The following DNAJC18 variants were observed in gnomAD, a reference collection of about 807,000 sequenced individuals.
DNAJC18 encodes the protein DnaJ heat shock protein family (Hsp40) member C18.
A neutral mutation model predicts 48.6 loss-of-function variants in DNAJC18; 40 were observed. The observed-to-expected ratio is 0.82, with a 90% confidence interval of 0.64 to 1.07. DNAJC18 has a LOEUF of 1.07. Ranked by LOEUF, DNAJC18 falls within the 50% of genes least tolerant of loss-of-function variation. The pLI, the probability that DNAJC18 is intolerant of heterozygous loss-of-function variation, is 0.00. For synonymous variants in DNAJC18, 135 were observed against 152.2 expected (o/e 0.89, Z 0.83); for missense variants, 340 against 427.7 (o/e 0.79, Z 1.81).
intron 2 of DNAJC18, among the ~76,000 whole-genome samples, chr5:139,432,454 C>T (rs1308687192): frequency 2.0e-5 from 3 of 151,998 alleles, no homozygotes; most frequent in African/African-American, 2.4e-5. Flanking sequence ...TGAGCCACCG[C>T]GCCTGGCCAC....
chr5:139,422,166 G>A (rs1407824115), intron 6 of DNAJC18, among the ~76,000 whole-genome samples: 2 of 152,050 alleles, frequency 1.3e-5, no homozygotes, highest in Non-Finnish European at 2.9e-5. Flanking sequence ...TGGCTGGTCT[G>A]GGGACCAAAC....
Position 139,428,628 on chromosome 5 carries a change from C to CA in DNAJC18, c.282dup (p.Asp95Ter). The stretch of plus-strand genomic sequence containing the variant: ...CTGTAAGCTTTCTTAAGCTCTTCGT[C>CA]ACTAGCATCTCGAGAAACTCCCAGA... On this transcript the variant is annotated frameshift_variant, in exon 3 of 8. Transcript: ENST00000302060. LOFTEE classifies it high-confidence loss of function. The CA allele has an allele frequency of 1.1e-5, 18 of 1,613,766 alleles. No individual in the cohort carries two copies. The highest frequency in any genetic ancestry group is 1.5e-5 in the Non-Finnish European group (18 of 1,179,926).
chr5:139,435,733 C>T (rs79650054), intron 2 of DNAJC18, among the ~76,000 whole-genome samples: 18 of 5,298 alleles, frequency 3.4e-3, no homozygotes, highest in Admixed American at 6.0e-3. Flanking sequence ...TTTTTTTTTT[C>T]AGACAAGGTC....
At position 139,435,705 on chromosome 5, in the gene DNAJC18, G is replaced by GTTTTTTTTTTTTTTTTTTTTTTTTTT. The variant is rs377125785; in HGVS notation, c.227+1641_227+1666dup. 1.9e-3 allele frequency among the ~76,000 whole-genome samples: 79 copies of GTTTTTTTTTTTTTTTTTTTTTTTTTT among 41,190 alleles called. 32 individuals carry two copies. Among genetic ancestry groups the GTTTTTTTTTTTTTTTTTTTTTTTTTT allele is most frequent in the East Asian group, 0.015 (11 of 742 alleles). 27.0% of individuals were successfully genotyped at this position (41,190 alleles called of 152,430 possible). On this transcript the variant is annotated intron_variant, in intron 2 of 7. Coordinates refer to ENST00000302060, the MANE Select transcript of DNAJC18 (RefSeq NM_152686.4). The stretch of plus-strand genomic sequence containing the variant: ...GGGCCTGGACTTTTCTTCATTGGAA[G>GTTTTTTTTTTTTTTTTTTTTTTTTTT]TTTTTTTTTTTTTTTTTTTTTTTTT...
chr5:139,429,166 C>T (rs1458731532), intron 2 of DNAJC18, among the ~76,000 whole-genome samples: 1 of 150,722 alleles, frequency 6.6e-6, no homozygotes, highest in Non-Finnish European at 1.5e-5. Context: ...TCACTGCAAC[C>T]TCTGCCTCCC....
intron 7 of DNAJC18, chr5:139,418,663 C>A: frequency 2.3e-6 from 1 of 440,084 alleles, no homozygotes; most frequent in Non-Finnish European, 4.6e-6. Context: ...TAGGACTTTG[C>A]CGTACAGAAA....
rs1750628245 is a variant in DNAJC18, at chr5:139,435,705, G to GTTTTTTGT, written c.227+1666_227+1667insACAAAAAA. Among the ~76,000 whole-genome samples, 8 of 41,194 alleles carry GTTTTTTGT rather than the reference G, an allele frequency of 1.9e-4. 1 individual carries two copies. Among genetic ancestry groups the GTTTTTTGT allele is most frequent in the South Asian group, 3.3e-3 (2 of 612 alleles). 27.0% of individuals were successfully genotyped at this position (41,194 alleles called of 152,430 possible). ...GGGCCTGGACTTTTCTTCATTGGAA[G>GTTTTTTGT]TTTTTTTTTTTTTTTTTTTTTTTTT... On this transcript the variant is annotated intron_variant, in intron 2 of 7. Transcript: ENST00000302060.
chr5:139,425,712 G>A (rs571465856), intron 4 of DNAJC18, among the ~76,000 whole-genome samples: 4 of 152,234 alleles, frequency 2.6e-5, no homozygotes, highest in Middle Eastern at 3.4e-3. Flanking sequence ...GTCTGCTTCC[G>A]TGCCCAATAC....
chr5:139,417,186 T>C (rs1286543166), intron 7 of DNAJC18, among the ~76,000 whole-genome samples: 1 of 83,690 alleles, frequency 1.2e-5, no homozygotes, highest in African/African-American at 3.6e-5. Context: ...CGAGACTCTG[T>C]CAAAAAAAAA....
chr5:139,432,607 C>T (rs907345363), intron 2 of DNAJC18, among the ~76,000 whole-genome samples: 1 of 152,196 alleles, frequency 6.6e-6, no homozygotes, highest in Non-Finnish European at 1.5e-5. Context: ...GCTGAGACTA[C>T]AGGCATGCAC....
chr5:139,437,267 T>C, intron 2 of DNAJC18, 105 bp downstream of exon 2: 1 of 1,180,150 alleles, frequency 8.5e-7, no homozygotes, highest in Non-Finnish European at 1.1e-6. Context: ...GCCTCAATTA[T>C]CATCATCATC....
rs1260986202 is a variant in DNAJC18 at position 139,422,558 on chromosome 5, C to T, written c.779+150G>A. 2.1e-5 allele frequency: 13 copies of T among 631,238 alleles called. No homozygotes were observed. The Admixed American group carries it at 4.6e-4, about 22-fold the overall frequency. The allele number at this position is 631,238 out of a possible 1,614,324, so 39.1% of individuals were successfully genotyped here. A position where few individuals can be genotyped will look rare whatever the true frequency, so the allele number is the denominator to read the frequency against. On this transcript the variant is annotated intron_variant, in intron 6 of 7. Coordinates refer to ENST00000302060, the MANE Select transcript of DNAJC18 (RefSeq NM_152686.4). ...CTGCCTCAGTATTTTTGAGTCTCAGCACCATGACTACCCAGCTGTTCCTTT... is the reference window on the plus strand; with the variant it reads ...CTGCCTCAGTATTTTTGAGTCTCAGTACCATGACTACCCAGCTGTTCCTTT...
chr5:139,421,912 T>C (rs1436940013), intron 6 of DNAJC18, among the ~76,000 whole-genome samples: 4 of 152,202 alleles, frequency 2.6e-5, no homozygotes, highest in Non-Finnish European at 4.4e-5. Context: ...TTATATATTG[T>C]CTAATAAATT....
intron 6 of DNAJC18, among the ~76,000 whole-genome samples, chr5:139,422,265 A>T (rs1444347033): frequency 1.3e-5 from 2 of 152,214 alleles, no homozygotes; most frequent in Non-Finnish European, 2.9e-5. Flanking sequence ...AAAGCATTAC[A>T]AGGAATTTCT....
Position 139,420,025 on chromosome 5 carries a change from A to G in DNAJC18, c.952+28T>C, listed in dbSNP as rs781531701. ...CCTCCTGCTGGGAACCACAGCCACCAGCTAATGCCCCTTTTACAGTATCTT... is the reference window on the plus strand; with the variant it reads ...CCTCCTGCTGGGAACCACAGCCACCGGCTAATGCCCCTTTTACAGTATCTT... On this transcript the variant is annotated intron_variant, in intron 7 of 7. Coordinates refer to ENST00000302060, the MANE Select transcript of DNAJC18 (RefSeq NM_152686.4). The G allele has an allele frequency of 2.0e-6, 3 of 1,514,822 alleles. No individual in the cohort carries two copies. The Admixed American group carries it at 7.3e-5, about 37-fold the overall frequency. The allele number at this position is 1,514,822 out of a possible 1,614,324, so 93.8% of individuals were successfully genotyped here.
intron 2 of DNAJC18, among the ~76,000 whole-genome samples, chr5:139,430,496 A>G (rs1759313066): frequency 6.6e-6 from 1 of 152,124 alleles, no homozygotes; most frequent in Non-Finnish European, 1.5e-5. Flanking sequence ...TATTTCACAG[A>G]GTTGATATTG....
chr5:139,436,660 T>C lies in DNAJC18; in HGVS notation c.227+712A>G, dbSNP rs148018024. Among the ~76,000 whole-genome samples, 555 of 151,790 alleles carry C rather than the reference T, an allele frequency of 3.7e-3. 3 individuals carry two copies. The highest frequency in any genetic ancestry group is 0.013 in the African/African-American group (531 of 41,396). On this transcript the variant is annotated intron_variant, in intron 2 of 7. Coordinates refer to ENST00000302060, the MANE Select transcript of DNAJC18 (RefSeq NM_152686.4). ...CTGGGACTACAGGTTGGTGCCATCA[T>C]ACCAAGCTAATTTTTGTATATATAT...
chr5:139,433,778 T>C (rs982528081), intron 2 of DNAJC18, among the ~76,000 whole-genome samples: 5 of 152,236 alleles, frequency 3.3e-5, no homozygotes, highest in Admixed American at 1.3e-4. Context: ...GATTTGTGTA[T>C]ATTTTATGAT....
At chr5:139,419,142 T>C (rs1759111719) in intron 7 of DNAJC18, 1 of 450,914 alleles carries the variant, frequency 2.2e-6, no homozygotes, top group Non-Finnish European at 4.4e-6. Context: ...TTTTTAAACA[T>C]GAGCCAAAAC....
Sources: gnomAD v4.1 joint callset for allele counts (sites outside exome capture counted in the v4.1 genomes callset) on GRCh38, gnomAD v4.1.1 for gene constraint, MANE v1.5 for transcripts, NCBI Gene and HGNC (gene_info 2026-07-23, HGNC 2026-07-21) for gene names.